The following NOS1 variants were observed in gnomAD, a reference collection of about 807,000 sequenced individuals.
The protein encoded by NOS1 is NOS type I.
NOS1 carries 51 observed loss-of-function variants against 164.5 expected under a neutral mutation model. That is an observed-to-expected ratio of 0.31 (90% confidence interval 0.25 to 0.39). The LOEUF (loss-of-function observed/expected upper bound fraction) is 0.39, where lower values mean the gene tolerates loss of function less well. Among genes scored for constraint, NOS1 ranks in the 10% least tolerant of loss-of-function variants. NOS1 has a pLI of 1.00. For synonymous variants in NOS1, 719 were observed against 745.8 expected, an observed-to-expected ratio of 0.96 and a Z score of 0.59; for missense variants, 1,362 against 1,885.6, an observed-to-expected ratio of 0.72 and a Z score of 5.14.
intron 9 of NOS1, among the ~76,000 whole-genome samples, chr12:117,274,830 T>C (rs1177013958): frequency 6.0e-5 from 9 of 149,532 alleles, no homozygotes; most frequent in Non-Finnish European, 8.9e-5. Flanking sequence ...CCTACAACCC[T>C]GTGTTTATTG....
At chr12:117,286,504 GAGCCAGGCCTTGTCCAA>G (rs1355268893) in intron 5 of NOS1, among the ~76,000 whole-genome samples, 3 of 152,130 alleles carry the variant, frequency 2.0e-5, no homozygotes, top group Non-Finnish European at 4.4e-5. Context: ...GCAAACAAGT[GAGCCAGGCCTTGTCCAA>G]AGCGGGCAGC....
intron 7 of NOS1, among the ~76,000 whole-genome samples, chr12:117,281,074 T>C (rs928706926): frequency 2.0e-5 from 3 of 151,948 alleles, no homozygotes; most frequent in South Asian, 4.2e-4. Flanking sequence ...AGGAAAACGG[T>C]GGAGGGGGTG....
At chr12:117,350,361 C>A (rs1327323223) in intron 1 of NOS1, among the ~76,000 whole-genome samples, 1 of 152,100 alleles carries the variant, frequency 6.6e-6, no homozygotes, top group Non-Finnish European at 1.5e-5. Flanking sequence ...TGACTGCACA[C>A]CAAAGCTATT....
Position 117,213,146 on chromosome 12 carries a change from C to T in NOS1, c.*2163G>A. The stretch of plus-strand genomic sequence containing the variant: ...AAGTATTTATTCCCTGATGGAAAAG[C>T]ATTCCTGCATAAAGCTTGACTTGGA... On this transcript the variant is annotated 3_prime_UTR_variant, in exon 29 of 29. Transcript: ENST00000317775. 1 of 985,460 alleles carries T rather than the reference C, an allele frequency of 1.0e-6. No individual in the cohort carries two copies. The highest frequency in any genetic ancestry group is 1.2e-6 in the Non-Finnish European group (1 of 829,954). The allele number at this position is 985,460 out of a possible 1,614,324, so 61.0% of individuals were successfully genotyped here. A position where few individuals can be genotyped will look rare whatever the true frequency, so the allele number is the denominator to read the frequency against.
intron 16 of NOS1, among the ~76,000 whole-genome samples, 161 bp downstream of exon 16, chr12:117,258,236 T>G (rs2682820): frequency 0.55 from 83,662 of 152,054 alleles, 25,497 homozygotes; most frequent in African/African-American, 0.81. Context: ...CCAAAATATT[T>G]GCCCCAGTAG....
Position 117,209,494 on chromosome 12 carries a change from G to A in NOS1, c.*5815C>T. Reference sequence around the variant, plus strand: ...ACTTTCTAAAAGACTACAGGAAGCAGTGCATGGAGGCAGATTTGTTCCCGC... The same window carrying A: ...ACTTTCTAAAAGACTACAGGAAGCAATGCATGGAGGCAGATTTGTTCCCGC... On this transcript the variant is annotated 3_prime_UTR_variant, in exon 29 of 29. Coordinates refer to ENST00000317775, the MANE Select transcript of NOS1 (RefSeq NM_000620.5). 1.0e-6 allele frequency: 1 copy of A among 985,522 alleles called. No individual in the cohort carries two copies. The highest frequency in any genetic ancestry group is 1.2e-6 in the Non-Finnish European group (1 of 829,972). 61.0% of individuals were successfully genotyped at this position (985,522 alleles called of 1,614,324 possible). A position where few individuals can be genotyped will look rare whatever the true frequency, so the allele number is the denominator to read the frequency against.
intron 7 of NOS1, among the ~76,000 whole-genome samples, chr12:117,284,133 C>T (rs553647102): frequency 1.8e-4 from 27 of 152,134 alleles, no homozygotes; most frequent in Non-Finnish European, 3.7e-4. Flanking sequence ...TCTAAGAAAA[C>T]CCATGTTTCA....
At position 117,210,146 on chromosome 12, in the gene NOS1, T is replaced by A. The variant is rs1956504999; in HGVS notation, c.*5163A>T. The A allele has an allele frequency of 1.9e-6, 1 of 530,106 alleles. No homozygotes were observed. The highest frequency in any genetic ancestry group is 2.4e-6 in the Non-Finnish European group (1 of 413,968). The allele number at this position is 530,106 out of a possible 1,614,324, so 32.8% of individuals were successfully genotyped here. A position where few individuals can be genotyped will look rare whatever the true frequency, so the allele number is the denominator to read the frequency against. On this transcript the variant is annotated 3_prime_UTR_variant, in exon 29 of 29. Coordinates refer to ENST00000317775, the MANE Select transcript of NOS1 (RefSeq NM_000620.5). ...TGCCATCATGCCCAGCTAATTTTTT[T>A]TTTTTTTTTTTTTTAGTAGAGACGA...
chr12:117,315,219 T>A (rs952549661), intron 2 of NOS1, among the ~76,000 whole-genome samples: 44 of 152,252 alleles, frequency 2.9e-4, no homozygotes, highest in African/African-American at 9.4e-4. Flanking sequence ...TTATTTATTT[T>A]TTTTTAGATA....
intron 2 of NOS1, among the ~76,000 whole-genome samples, chr12:117,321,493 T>C (rs1874918750): frequency 6.6e-6 from 1 of 152,094 alleles, no homozygotes; most frequent in South Asian, 2.1e-4. Flanking sequence ...GCTTATCCCA[T>C]GGCTCTTCCT....
chr12:117,297,292 G>C (rs1290412357), intron 3 of NOS1, among the ~76,000 whole-genome samples: 1 of 152,226 alleles, frequency 6.6e-6, no homozygotes, highest in Non-Finnish European at 1.5e-5. Flanking sequence ...TGGAAGCAGG[G>C]AACTGAAGGT....
intron 3 of NOS1, among the ~76,000 whole-genome samples, chr12:117,296,510 G>A (rs942694076): frequency 2.0e-5 from 3 of 152,124 alleles, no homozygotes; most frequent in Non-Finnish European, 2.9e-5. Flanking sequence ...TCTTTCTCCC[G>A]TGCTGGATGC....
rs56004169 is a variant in NOS1, at chr12:117,330,329, C to CACA, written c.725+15_725+16insTGT. 5.6e-5 allele frequency: 89 copies of CACA among 1,597,240 alleles called. No individual in the cohort carries two copies. The highest frequency in any genetic ancestry group is 2.5e-4 in the South Asian group (22 of 87,706). ...ACACACACACACACACACACACACA[C>CACA]CCCTGTGGAGCTTACCTGTCCACCT... On this transcript the variant is annotated intron_variant, in intron 2 of 28. Transcript: ENST00000317775. This position sits in a 1 kb window ranked among gnomAD's most constrained non-coding sequence, Gnocchi z 4.6.
intron 11 of NOS1, 128 bp from the exon 12 acceptor site, chr12:117,265,638 A>T (rs1286102388): frequency 1.8e-6 from 1 of 563,040 alleles, no homozygotes; most frequent in East Asian, 3.2e-5. Flanking sequence ...GTGAAGTGAG[A>T]TGGTGATTCT....
intron 7 of NOS1, among the ~76,000 whole-genome samples, chr12:117,281,755 G>A (rs1185321719): frequency 1.3e-5 from 2 of 150,608 alleles, no homozygotes; most frequent in African/African-American, 2.4e-5. Flanking sequence ...GCTTGAACTC[G>A]GGAGGTAGAG....
At chr12:117,248,353 C>T (rs1448833643) in intron 17 of NOS1, among the ~76,000 whole-genome samples, 11 of 151,720 alleles carry the variant, frequency 7.3e-5, no homozygotes, top group East Asian at 3.9e-4. Flanking sequence ...CCTCTCCCCC[C>T]ACCCCACAAC....
intron 16 of NOS1, among the ~76,000 whole-genome samples, chr12:117,256,481 T>C (rs1262830460): frequency 6.6e-6 from 1 of 151,822 alleles, no homozygotes; most frequent in African/African-American, 2.4e-5. Flanking sequence ...TTTCACCATG[T>C]TGGCCAGGCT....
intron 17 of NOS1, among the ~76,000 whole-genome samples, chr12:117,250,567 G>A (rs1424076069): frequency 6.6e-6 from 1 of 152,128 alleles, no homozygotes; most frequent in Admixed American, 6.5e-5. Context: ...GACCTCAGGT[G>A]ATCCACACAC....
intron 3 of NOS1, chr12:117,302,066 C>T (rs781126381): frequency 4.4e-6 from 2 of 456,660 alleles, no homozygotes; most frequent in Non-Finnish European, 8.8e-6. Context: ...TTCTCAGTTT[C>T]CTCATCTGTA....
Sources: gnomAD v4.1 joint callset for allele counts (sites outside exome capture counted in the v4.1 genomes callset) on GRCh38, gnomAD v4.1.1 for gene constraint, Gnocchi (gnomAD v3.1) non-coding constraint, MANE v1.5 for transcripts, NCBI Gene and HGNC (gene_info 2026-07-23, HGNC 2026-07-21) for gene names.